Variants in MAGI1 observed in about 807,000 individuals in gnomAD.
MAGI1 encodes the protein membrane associated guanylate kinase, WW and PDZ domain containing 1.
MAGI1 carries 58 observed loss-of-function variants against 139.9 expected under a neutral mutation model. The ratio of observed to expected loss-of-function variants is 0.41; its 90% CI spans 0.34 to 0.52. The LOEUF is 0.52. MAGI1 is among the 20% of genes least tolerant of loss of function. The probability of loss-of-function intolerance (pLI) is 0.12; values close to 1 mark genes in which losing one functional copy is unlikely to be tolerated. For missense variants in MAGI1, 1,874 were observed against 1,901.6 expected (o/e 0.99, Z 0.27); for synonymous variants, 812 against 737.9 (o/e 1.10, Z -1.63).
At chr3:65,600,274 C>T (rs1250518674) in intron 2 of MAGI1, among the ~76,000 whole-genome samples, 1 of 152,112 alleles carries the variant, frequency 6.6e-6, no homozygotes, top group African/African-American at 2.4e-5. Context: ...AAGAAGGGAA[C>T]TTTTATTCAA....
intron 2 of MAGI1, among the ~76,000 whole-genome samples, chr3:65,566,994 T>C (rs1010533673): frequency 6.6e-6 from 1 of 151,954 alleles, no homozygotes; most frequent in Admixed American, 6.6e-5. Flanking sequence ...TTTGAGGCCA[T>C]TCCTGCTCCC....
intron 1 of MAGI1, among the ~76,000 whole-genome samples, chr3:65,632,226 G>T (rs907527882): frequency 6.6e-6 from 1 of 152,054 alleles, no homozygotes; most frequent in Non-Finnish European, 1.5e-5. Context: ...TACCAAATCT[G>T]GAAGAAATTC....
intron 1 of MAGI1, among the ~76,000 whole-genome samples, chr3:66,024,849 G>A (rs1474943989): frequency 1.3e-5 from 2 of 152,106 alleles, no homozygotes; most frequent in East Asian, 3.9e-4. Flanking sequence ...TTTCTGACTT[G>A]TGAAGACCAC....
chr3:65,761,786 C>T (rs949500656), intron 1 of MAGI1, among the ~76,000 whole-genome samples: 8 of 152,288 alleles, frequency 5.3e-5, no homozygotes, highest in Middle Eastern at 3.4e-3. Flanking sequence ...CAGTACCACT[C>T]ACTAGGGAAT....
chr3:65,911,531 G>C (rs1442902192), intron 1 of MAGI1, among the ~76,000 whole-genome samples: 2 of 151,996 alleles, frequency 1.3e-5, no homozygotes, highest in Non-Finnish European at 2.9e-5. Context: ...GTGGATTCAG[G>C]GTAGATTTTT....
intron 18 of MAGI1, among the ~76,000 whole-genome samples, chr3:65,368,158 G>A (rs576878637): frequency 4.6e-5 from 7 of 152,210 alleles, no homozygotes; most frequent in East Asian, 3.9e-4. Flanking sequence ...GACTACTTAC[G>A]GTGGAAAAAA....
intron 1 of MAGI1, among the ~76,000 whole-genome samples, chr3:65,755,306 T>C (rs939703166): frequency 3.3e-5 from 5 of 152,174 alleles, no homozygotes; most frequent in Admixed American, 2.0e-4. Flanking sequence ...AGGAGGTAGT[T>C]ATTTCTGACA....
At chr3:65,914,557 C>T (rs2108689244) in intron 1 of MAGI1, among the ~76,000 whole-genome samples, 1 of 152,336 alleles carries the variant, frequency 6.6e-6, no homozygotes, top group Middle Eastern at 3.4e-3. Flanking sequence ...AGTGCTGACT[C>T]TAGCTCCCCT....
At chr3:65,482,966 T>C (rs1951381854) in intron 3 of MAGI1, among the ~76,000 whole-genome samples, 1 of 152,218 alleles carries the variant, frequency 6.6e-6, no homozygotes, top group South Asian at 2.1e-4. Flanking sequence ...CTCCTCCTCT[T>C]GGTTTTGCCT....
In MAGI1 at chr3:65,514,448, A is replaced by C. The variant is rs541029161; in HGVS notation, c.431-20817T>G. 2.8e-3 allele frequency among the ~76,000 whole-genome samples: 412 copies of C among 146,574 alleles called. 4 individuals carry two copies. The South Asian group carries it at 0.039, about 14-fold the overall frequency. On this transcript the variant is annotated intron_variant, in intron 2 of 22. Transcript: ENST00000402939. The stretch of plus-strand genomic sequence containing the variant: ...AATATCCAGAATCTACAATGAACTC[A>C]AACAAATTTACAAGAAAAAAACAAA...
chr3:65,425,135 A>AAAAAAAAAAAAAAAAAAAAAC lies in MAGI1; in HGVS notation c.2167+4384_2167+4385insGTTTTTTTTTTTTTTTTTTTT, dbSNP rs1559543283. 3.4e-5 allele frequency among the ~76,000 whole-genome samples: 3 copies of AAAAAAAAAAAAAAAAAAAAAC among 87,736 alleles called. 1 individual carries two copies. The highest frequency in any genetic ancestry group is 2.3e-5 in the Non-Finnish European group (1 of 44,314). 57.6% of individuals were successfully genotyped at this position (87,736 alleles called of 152,430 possible). On this transcript the variant is annotated intron_variant, in intron 12 of 22. Coordinates refer to ENST00000402939, the MANE Select transcript of MAGI1 (RefSeq NM_001033057.2). ...AAAAAAAAAAAAAAAAAAAAAAACA[A>AAAAAAAAAAAAAAAAAAAAAC]AAAAAAACACACATGCCTAAACATC...
At position 65,622,092 on chromosome 3, in the gene MAGI1, C is replaced by T. The variant is rs2083702121; in HGVS notation, c.314-4G>A. 5.0e-6 allele frequency: 8 copies of T among 1,593,108 alleles called. No individual in the cohort carries two copies. In the Middle Eastern group the frequency reaches 6.6e-4, roughly 132 times the overall value. ...AGGTCCTTGTTCAGCCTTCCTCCTG[C>T]AGGAAATACATAAAATAGACATACC... On this transcript the variant is annotated splice_region_variant and splice_polypyrimidine_tract_variant and intron_variant, in intron 1 of 22. Coordinates refer to ENST00000402939, the MANE Select transcript of MAGI1 (RefSeq NM_001033057.2).
intron 2 of MAGI1, among the ~76,000 whole-genome samples, chr3:65,539,030 A>G (rs62255333): frequency 7.3e-6 from 1 of 137,144 alleles, no homozygotes; most frequent in South Asian, 2.2e-4. Context: ...ACAGACACAC[A>G]TACCAACTAC....
chr3:65,490,099 T>C (rs1951897453), intron 3 of MAGI1, among the ~76,000 whole-genome samples: 1 of 152,164 alleles, frequency 6.6e-6, no homozygotes, highest in South Asian at 2.1e-4. Context: ...AGGGATCCAC[T>C]ACAGGAGCAA....
chr3:65,940,599 G>A (rs56145410), intron 1 of MAGI1, among the ~76,000 whole-genome samples: 32,953 of 152,044 alleles, frequency 0.22, 4,735 homozygotes, highest in Non-Finnish European at 0.31. Flanking sequence ...TCACATTGAG[G>A]GTTATGATTT....
chr3:65,635,155 C>A (rs546980425), intron 1 of MAGI1, among the ~76,000 whole-genome samples: 116 of 152,260 alleles, frequency 7.6e-4, no homozygotes, highest in African/African-American at 2.7e-3. Flanking sequence ...ACCTCCACCT[C>A]CCAGGTCCAG....
chr3:65,499,062 A>AC, intron 2 of MAGI1: 1 of 953,240 alleles, frequency 1.0e-6, no homozygotes, highest in Non-Finnish European at 1.2e-6. Context: ...ACCGCTCTTA[A>AC]AAAAAAAAAA....
intron 1 of MAGI1, among the ~76,000 whole-genome samples, chr3:65,881,655 A>G (rs567450714): frequency 2.0e-4 from 31 of 152,214 alleles, no homozygotes; most frequent in Non-Finnish European, 4.1e-4. Flanking sequence ...GGACTTCCAT[A>G]TGAGTATAAT....
intron 1 of MAGI1, among the ~76,000 whole-genome samples, chr3:65,631,605 C>T (rs1220279763): frequency 2.6e-5 from 4 of 152,090 alleles, no homozygotes; most frequent in Admixed American, 2.0e-4. Context: ...TGTTTAAGGC[C>T]CTTGATACAA....
Sources: allele counts gnomAD v4.1 joint callset (sites outside exome capture counted in the v4.1 genomes callset), GRCh38; gene constraint gnomAD v4.1.1; transcripts MANE v1.5; gene names NCBI Gene and HGNC (gene_info 2026-07-23, HGNC 2026-07-21).